The following ATR variants were observed in gnomAD, a reference collection of about 807,000 sequenced individuals.
ATR encodes the protein serine/threonine-protein kinase ATR.
In ATR, 142 loss-of-function variants were observed where a neutral mutation model predicts 305.3. The observed-to-expected ratio is 0.47, with a 90% CI of 0.41 to 0.53. The LOEUF is 0.53. Ranked by LOEUF, ATR falls within the 20% of genes least tolerant of loss-of-function variation. ATR has a pLI of 0.00. For synonymous variants in ATR, 1,050 were observed against 1,068.1 expected (o/e 0.98, Z 0.33); for missense variants, 2,135 against 3,133.1 (o/e 0.68, Z 7.60).
At position 142,515,556 on chromosome 3, in the gene ATR, C is replaced by T. The variant is rs80304967; in HGVS notation, c.4383-41G>A. On this transcript the variant is annotated intron_variant, in intron 24 of 46. Coordinates refer to ENST00000350721, the MANE Select transcript of ATR (RefSeq NM_001184.4). ...TTTGTTTATTAAAAAGATAAATCCA[C>T]CTGTTTAGAATTTTAGTAAATTACA... 1.9e-3 allele frequency: 2,988 copies of T among 1,560,198 alleles called. 53 individuals are homozygous for T. In the African/African-American group the frequency reaches 0.034, roughly 18 times the overall value.
chr3:142,525,749 T>C (rs1364750526), intron 21 of ATR, among the ~76,000 whole-genome samples: 1 of 152,042 alleles, frequency 6.6e-6, no homozygotes, highest in African/African-American at 2.4e-5. Flanking sequence ...TATTTGAGAG[T>C]ATGGCACTCC....
chr3:142,510,410 G>A (rs2032492434), intron 27 of ATR, among the ~76,000 whole-genome samples: 1 of 151,768 alleles, frequency 6.6e-6, no homozygotes. Context: ...AGTGAGCCAA[G>A]ATCACACCAC....
chr3:142,573,369 C>T (rs1276974646), intron 1 of ATR, among the ~76,000 whole-genome samples: 1 of 149,322 alleles, frequency 6.7e-6, no homozygotes, highest in Non-Finnish European at 1.5e-5. Flanking sequence ...GCAGGAGAAT[C>T]GCTGGGACAT....
intron 19 of ATR, among the ~76,000 whole-genome samples, chr3:142,537,191 A>G (rs1375294569): frequency 6.6e-6 from 1 of 152,052 alleles, no homozygotes; most frequent in Non-Finnish European, 1.5e-5. Context: ...CCTGGGTTCA[A>G]ACAATCTTCC....
At position 142,473,414 on chromosome 3, in the gene ATR, C is replaced by T. The variant is rs113526953; in HGVS notation, c.6222-3231G>A. On this transcript the variant is annotated intron_variant, in intron 36 of 46. Transcript: ENST00000350721. ...GTCAAAGATCAATTGACTGTAAATG[C>T]GTGGATTCATTTCTAGGGTCTCTGT... Among the ~76,000 whole-genome samples the T allele has an allele frequency of 8.7e-3, 1,323 of 152,120 alleles. 23 individuals carry two copies. The highest frequency in any genetic ancestry group is 0.029 in the African/African-American group (1,214 of 41,502).
intron 21 of ATR, among the ~76,000 whole-genome samples, chr3:142,527,359 A>T (rs908256276): frequency 5.3e-5 from 8 of 152,046 alleles, no homozygotes; most frequent in African/African-American, 1.9e-4. Flanking sequence ...TTTCCTATGG[A>T]TGAAGTTCTT....
chr3:142,546,293 C>G (rs2034265493), intron 16 of ATR, among the ~76,000 whole-genome samples: 1 of 152,160 alleles, frequency 6.6e-6, no homozygotes, highest in Non-Finnish European at 1.5e-5. Flanking sequence ...CTTCCCCTTT[C>G]CCAGAACTAA....
At chr3:142,522,490 C>A (rs1465670333) in intron 23 of ATR, among the ~76,000 whole-genome samples, 1 of 152,012 alleles carries the variant, frequency 6.6e-6, no homozygotes, top group Non-Finnish European at 1.5e-5. Context: ...TCATTTAAGT[C>A]ACAAAGCTGA....
intron 36 of ATR, among the ~76,000 whole-genome samples, chr3:142,476,052 C>G (rs930903330): frequency 6.6e-6 from 1 of 152,134 alleles, no homozygotes; most frequent in Non-Finnish European, 1.5e-5. Flanking sequence ...GTTGCCTGTT[C>G]ACTCTGATGG....
intron 36 of ATR, among the ~76,000 whole-genome samples, chr3:142,476,169 C>A (rs1356342362): frequency 6.6e-6 from 1 of 152,146 alleles, no homozygotes; most frequent in Non-Finnish European, 1.5e-5. Flanking sequence ...AGTCCTTGCC[C>A]ATGCCTATGT....
intron 1 of ATR, among the ~76,000 whole-genome samples, chr3:142,570,710 G>A (rs988022795): frequency 2.0e-5 from 3 of 152,162 alleles, no homozygotes; most frequent in Non-Finnish European, 4.4e-5. Flanking sequence ...ACTTCTAAGA[G>A]TTTCATAGTT....
intron 35 of ATR, among the ~76,000 whole-genome samples, chr3:142,486,798 T>A (rs1240959104): frequency 6.6e-6 from 1 of 151,840 alleles, no homozygotes; most frequent in African/African-American, 2.4e-5. Flanking sequence ...TGAACTTTTA[T>A]ATAAATAGAA....
intron 5 of ATR, 36 bp from the exon 6 acceptor site, chr3:142,560,490 G>A (rs2108483633): frequency 6.6e-7 from 1 of 1,526,516 alleles, no homozygotes; most frequent in Non-Finnish European, 9.1e-7. Context: ...ATATTCATAT[G>A]CAATATAAAT....
At position 142,453,184 on chromosome 3, in the gene ATR, C is replaced by T; in HGVS notation, c.7705G>A (p.Val2569Met). The change falls in exon 46 of 47, where the codon GTG (valine) becomes ATG (methionine). Residue 2569 changes from valine to methionine, a missense_variant. Coordinates refer to ENST00000350721, the MANE Select transcript of ATR (RefSeq NM_001184.4). ...AGTGGCGCTTTGGAATGCCCTTTCA[C>T]TGGTTTACTCCATTCCACAAGAGGA... ...HDPLVEWSKP[V>M]KGHSKAPLNE... is the part of the protein sequence containing the mutation. The T allele has an allele frequency of 2.5e-6, 4 of 1,613,918 alleles. No homozygotes were observed. Among genetic ancestry groups the T allele is most frequent in the Non-Finnish European group, 3.4e-6 (4 of 1,179,846 alleles).
Position 142,550,225 on chromosome 3 carries a change from T to C in ATR, c.2883A>G (p.Lys961=). 2 of 1,614,172 alleles carry C rather than the reference T, an allele frequency of 1.2e-6. No individual in the cohort carries two copies. The highest frequency in any genetic ancestry group is 1.1e-5 in the South Asian group (1 of 91,088). The change falls in exon 14 of 47, where the codon AAA becomes AAG. Residue 961 remains lysine, a synonymous_variant. Coordinates refer to ENST00000350721, the MANE Select transcript of ATR (RefSeq NM_001184.4). ...TTTCTCTCTGGTGAGCCACATCTTG[T>C]TTTCGCACGTCAGCATTCTGGCATG... The part of the protein sequence containing the change: ...NTPCQNADVR[K]QDVAHQREMA...
chr3:142,557,522 AT>A (rs1201529485), intron 8 of ATR, among the ~76,000 whole-genome samples: 1 of 152,160 alleles, frequency 6.6e-6, no homozygotes, highest in East Asian at 1.9e-4. Context: ...AATTTCTTAT[AT>A]TATTTATAAA....
intron 1 of ATR, among the ~76,000 whole-genome samples, chr3:142,575,638 A>C (rs948593087): frequency 2.6e-5 from 4 of 152,210 alleles, no homozygotes; most frequent in African/African-American, 7.2e-5. Context: ...TTAACATTTT[A>C]ATAGCAACTA....
At chr3:142,458,841 A>C in intron 44 of ATR, 117 bp downstream of exon 44, 1 of 1,205,136 alleles carries the variant, frequency 8.3e-7, no homozygotes, top group Non-Finnish European at 1.2e-6. Flanking sequence ...ACAAATTCTC[A>C]GTATAACTCA....
intron 45 of ATR, among the ~76,000 whole-genome samples, chr3:142,454,135 C>T (rs1345716323): frequency 6.6e-6 from 1 of 152,198 alleles, no homozygotes; most frequent in Non-Finnish European, 1.5e-5. Flanking sequence ...CCTGCGTCAT[C>T]TCTTAGCACC....
Sources: allele counts gnomAD v4.1 joint callset (sites outside exome capture counted in the v4.1 genomes callset), GRCh38; gene constraint gnomAD v4.1.1; transcripts MANE v1.5; gene names NCBI Gene and HGNC (gene_info 2026-07-23, HGNC 2026-07-21).